Variants in SHISA9 observed in about 807,000 individuals in gnomAD.
SHISA9 encodes the protein shisa family member 9, also known as protein shisa-9.
Under a neutral mutation model 38.0 loss-of-function variants are expected in SHISA9, and 13 were observed. The observed-to-expected ratio is 0.34, with a 90% CI of 0.22 to 0.54. The LOEUF is 0.54. Ranked by LOEUF, SHISA9 falls within the 20% of genes least tolerant of loss-of-function variation. The probability of loss-of-function intolerance (pLI) is 0.91; values close to 1 mark genes in which losing one functional copy is unlikely to be tolerated. For synonymous variants in SHISA9, 275 were observed against 242.0 expected (o/e 1.14, Z -1.27); for missense variants, 538 against 575.8 (o/e 0.93, Z 0.67).
rs2073792502 is a variant in SHISA9, at chr16:13,093,155, G to A, written c.692-110239G>A. 2.0e-5 allele frequency among the ~76,000 whole-genome samples: 3 copies of A among 152,026 alleles called. No individual in the cohort carries two copies. The South Asian group carries it at 6.2e-4, about 32-fold the overall frequency. ...GAGTTGGAAAGGGTGAGGAACATGG[G>A]GCAGCCAGTTCAAGTGGCTGCACCC... is the stretch of plus-strand genomic sequence containing the variant. On this transcript the variant is annotated intron_variant, in intron 2 of 4. Coordinates refer to ENST00000558583, the MANE Select transcript of SHISA9 (RefSeq NM_001145204.3).
intron 2 of SHISA9, among the ~76,000 whole-genome samples, chr16:13,104,795 A>G (rs1178567259): frequency 6.6e-6 from 1 of 152,206 alleles, no homozygotes; most frequent in Non-Finnish European, 1.5e-5. Flanking sequence ...TACATTTACT[A>G]AAAATCACAG....
the SHISA9 span, among the ~76,000 whole-genome samples, chr16:13,417,502 T>G: frequency 6.6e-6 from 1 of 152,352 alleles, no homozygotes; most frequent in South Asian, 2.1e-4. Flanking sequence ...TCAGTTTATT[T>G]GCTTCCTCTC....
At chr16:13,506,826 G>C in the SHISA9 span, among the ~76,000 whole-genome samples, 1 of 152,204 alleles carries the variant, frequency 6.6e-6, no homozygotes, top group East Asian at 1.9e-4. Context: ...CTTGAGGCCA[G>C]GAGTCTGAGA....
chr16:13,229,802 A>G (rs1398368116), intron 4 of SHISA9, among the ~76,000 whole-genome samples: 1 of 152,172 alleles, frequency 6.6e-6, no homozygotes, highest in African/African-American at 2.4e-5. Flanking sequence ...GGTGGCTGAG[A>G]AAGTCTGAGG....
intron 2 of SHISA9, among the ~76,000 whole-genome samples, chr16:13,107,289 G>T (rs1223482214): frequency 6.6e-6 from 1 of 151,898 alleles, no homozygotes; most frequent in African/African-American, 2.4e-5. Flanking sequence ...CAAAAAATCA[G>T]CCAGGTGTGG....
the SHISA9 span, among the ~76,000 whole-genome samples, chr16:13,341,884 A>C: frequency 6.6e-6 from 1 of 152,160 alleles, no homozygotes; most frequent in East Asian, 1.9e-4. Flanking sequence ...TTCATTATTT[A>C]TCTCTGTTCC....
At chr16:13,003,408 G>T (rs547001633) in intron 2 of SHISA9, among the ~76,000 whole-genome samples, 1 of 152,166 alleles carries the variant, frequency 6.6e-6, no homozygotes, top group East Asian at 1.9e-4. Flanking sequence ...TCCTAAGCTC[G>T]CTGGGATTCC....
At chr16:12,924,634 G>A (rs1221948779) in intron 2 of SHISA9, among the ~76,000 whole-genome samples, 1 of 152,218 alleles carries the variant, frequency 6.6e-6, no homozygotes, top group Non-Finnish European at 1.5e-5. Flanking sequence ...CTCTACACTA[G>A]ATTAGCTAAA....
chr16:13,544,434 T>A, the SHISA9 span, among the ~76,000 whole-genome samples: 3 of 144,182 alleles, frequency 2.1e-5, no homozygotes, highest in Non-Finnish European at 4.5e-5. Flanking sequence ...TTCTTGTTTT[T>A]TTTTTTTTTT....
intron 2 of SHISA9, among the ~76,000 whole-genome samples, chr16:13,054,272 C>T (rs1054518475): frequency 2.0e-5 from 3 of 152,168 alleles, no homozygotes; most frequent in African/African-American, 7.2e-5. Context: ...ATGATCTTCA[C>T]CTTACAGGGT....
intron 2 of SHISA9, among the ~76,000 whole-genome samples, chr16:12,965,973 G>C (rs1003384709): frequency 1.3e-5 from 2 of 152,210 alleles, no homozygotes; most frequent in African/African-American, 2.4e-5. Context: ...TTGAAACTGA[G>C]GTTTCCTGAC....
At chr16:12,985,392 A>C (rs922751532) in intron 2 of SHISA9, among the ~76,000 whole-genome samples, 1 of 152,022 alleles carries the variant, frequency 6.6e-6, no homozygotes, top group Admixed American at 6.6e-5. Flanking sequence ...AAGTTTCTGA[A>C]ACTTGCTGAG....
At chr16:13,377,750 G>A in the SHISA9 span, among the ~76,000 whole-genome samples, 10 of 152,254 alleles carry the variant, frequency 6.6e-5, no homozygotes, top group African/African-American at 2.2e-4. Flanking sequence ...ATGCAAGGCC[G>A]GGTGCAGTGG....
chr16:13,248,270 A>G, the SHISA9 span, among the ~76,000 whole-genome samples: 3 of 152,096 alleles, frequency 2.0e-5, no homozygotes, highest in African/African-American at 4.8e-5. Context: ...TCATTTTGTA[A>G]TTCATTCAAC....
chr16:13,170,945 C>T (rs2050680476), intron 2 of SHISA9, among the ~76,000 whole-genome samples: 2 of 152,248 alleles, frequency 1.3e-5, no homozygotes, highest in South Asian at 4.2e-4. Context: ...GCGTCAACCA[C>T]CGCGCTGGGC....
the SHISA9 span, among the ~76,000 whole-genome samples, chr16:13,298,933 A>G: frequency 6.6e-6 from 1 of 152,254 alleles, no homozygotes; most frequent in East Asian, 1.9e-4. Context: ...TCAAGGGCAG[A>G]GTGGGAAGCT....
At chr16:13,404,448 A>T in the SHISA9 span, among the ~76,000 whole-genome samples, 1 of 152,200 alleles carries the variant, frequency 6.6e-6, no homozygotes, top group African/African-American at 2.4e-5. Flanking sequence ...AGATAAGTAG[A>T]TGTTAACTAG....
At chr16:13,452,838 C>T in the SHISA9 span, among the ~76,000 whole-genome samples, 1 of 151,536 alleles carries the variant, frequency 6.6e-6, no homozygotes, top group Non-Finnish European at 1.5e-5. Context: ...CTGGTTTGCC[C>T]TCTTCCCTCT....
the SHISA9 span, among the ~76,000 whole-genome samples, chr16:13,382,564 A>G: frequency 1.3e-5 from 2 of 149,958 alleles, no homozygotes; most frequent in Non-Finnish European, 3.0e-5. Flanking sequence ...GAAAAGAAAA[A>G]AAACAGGCGT....
Sources: allele counts gnomAD v4.1 joint callset (sites outside exome capture counted in the v4.1 genomes callset), GRCh38; gene constraint gnomAD v4.1.1; transcripts MANE v1.5; gene names NCBI Gene and HGNC (gene_info 2026-07-23, HGNC 2026-07-21).